Variants in RESF1 observed in about 807,000 individuals in gnomAD.
RESF1 encodes the protein gonad expressed transcript.
RESF1 carries 65 observed loss-of-function variants against 134.7 expected under a neutral mutation model. The observed-to-expected ratio is 0.48, with a 90% CI of 0.40 to 0.59. The LOEUF (loss-of-function observed/expected upper bound fraction) is 0.59, where lower values mean the gene tolerates loss of function less well. RESF1 is among the 20% of genes least tolerant of loss of function. The probability of loss-of-function intolerance (pLI) is 0.00; values close to 1 mark genes in which losing one functional copy is unlikely to be tolerated. For synonymous variants in RESF1, 762 were observed against 702.2 expected, an observed-to-expected ratio of 1.09 and a Z score of -1.35; for missense variants, 2,274 against 2,002.7, an observed-to-expected ratio of 1.14 and a Z score of -2.59.
chr12:31,984,236 G>A lies in RESF1; in HGVS notation c.3281G>A (p.Ser1094Asn). 6.2e-7 allele frequency: 1 copy of A among 1,614,038 alleles called. No homozygotes were observed. The highest frequency in any genetic ancestry group is 8.5e-7 in the Non-Finnish European group (1 of 1,179,994). ...TSEDQTADKT[S>N]SDSKDPADQI... ...GAAGATCAAACTGCTGATAAAACCA[G>A]TTCTGACTCCAAAGACCCAGCAGAT... The change falls in exon 4 of 6, where the codon AGT becomes AAT. Residue 1094 changes from serine to asparagine, a missense_variant. Physicochemically the swap from Ser to Asn is conservative, Grantham distance 46. Transcript: ENST00000312561.
In RESF1 at chr12:31,985,338, T is replaced by G. The variant is rs1939941658; in HGVS notation, c.4383T>G (p.Asn1461Lys). Residue 1461 changes from asparagine to lysine, a missense_variant, in exon 4 of 6, where the codon AAT (asparagine) becomes AAG (lysine). Coordinates refer to ENST00000312561, the MANE Select transcript of RESF1 (RefSeq NM_018169.4). ...AGAAGCATAAAGAAGCTCTGAGTAATAAAGCATCGAAGAAAATCTGTGTGA... is the reference window on the plus strand; with the variant it reads ...AGAAGCATAAAGAAGCTCTGAGTAAGAAAGCATCGAAGAAAATCTGTGTGA... ...QRQKHKEALS[N>K]KASKKICVKN... The G allele has an allele frequency of 6.2e-7, 1 of 1,611,130 alleles. No homozygotes were observed. The highest frequency in any genetic ancestry group is 1.3e-5 in the African/African-American group (1 of 74,836).
intron 1 of RESF1, 187 bp downstream of exon 1, chr12:31,959,678 C>T (rs1939207834): frequency 6.6e-6 from 1 of 151,008 alleles, no homozygotes; most frequent in African/African-American, 2.4e-5. Flanking sequence ...CGCCGGCTCG[C>T]GCGTCCCGCC....
chr12:31,985,989 A>G (rs772946558), intron 4 of RESF1, 32 bp downstream of exon 4: 9 of 1,424,014 alleles, frequency 6.3e-6, no homozygotes, highest in African/African-American at 2.9e-5. Context: ...GGTGTCTACA[A>G]TATTGTAAAG....
chr12:31,972,661 A>G (rs540574013), intron 3 of RESF1, among the ~76,000 whole-genome samples: 117 of 150,998 alleles, frequency 7.7e-4, no homozygotes, highest in Non-Finnish European at 1.0e-3. Context: ...CCCTAAACTG[A>G]TGAGATCTGA....
Position 31,981,022 on chromosome 12 carries a change from T to A in RESF1, c.67T>A (p.Phe23Ile). The A allele has an allele frequency of 6.2e-7, 1 of 1,614,046 alleles. No homozygotes were observed. Among genetic ancestry groups the A allele is most frequent in the Non-Finnish European group, 8.5e-7 (1 of 1,179,990 alleles). Reference sequence around the variant, plus strand: ...ACTGTATCCTAAAAGCCAGCCACCTTTTTTGCACCAGTCTTTAATAAACCA... The same window carrying A: ...ACTGTATCCTAAAAGCCAGCCACCTATTTTGCACCAGTCTTTAATAAACCA... ...PPLYPKSQPPFLHQSLINQIT... is the reference protein window; with the variant it reads ...PPLYPKSQPPILHQSLINQIT... The change falls in exon 4 of 6, where the codon TTT becomes ATT. Residue 23 changes from phenylalanine to isoleucine, a missense_variant. Transcript: ENST00000312561.
chr12:31,991,004 C>T (rs927922444), intron 5 of RESF1, among the ~76,000 whole-genome samples: 4 of 151,996 alleles, frequency 2.6e-5, no homozygotes, highest in African/African-American at 4.8e-5. Context: ...AGACCAGCTT[C>T]GGCAACATCA....
chr12:31,984,077 T>C lies in RESF1; in HGVS notation c.3122T>C (p.Ile1041Thr). ...CCCCAAGATCCTGCAAGAAATGAAA[T>C]CCACAGTGATAAGGCACCTGTCTTA... is the stretch of plus-strand genomic sequence containing the variant. ...YTPQDPARNEIHSDKAPVLYL... is the reference protein window; with the variant it reads ...YTPQDPARNETHSDKAPVLYL... The change falls in exon 4 of 6, where the codon ATC (isoleucine) becomes ACC (threonine). Residue 1041 changes from isoleucine to threonine, a missense_variant. Coordinates refer to ENST00000312561, the MANE Select transcript of RESF1 (RefSeq NM_018169.4). The C allele has an allele frequency of 6.2e-7, 1 of 1,614,020 alleles. No individual in the cohort carries two copies.
intron 4 of RESF1, among the ~76,000 whole-genome samples, chr12:31,986,243 G>A (rs1377178368): frequency 1.3e-5 from 2 of 152,218 alleles, no homozygotes; most frequent in Non-Finnish European, 2.9e-5. Flanking sequence ...AGGCTGTACT[G>A]TGAAAAACAT....
intron 2 of RESF1, among the ~76,000 whole-genome samples, chr12:31,965,402 G>A (rs1939377172): frequency 1.3e-5 from 2 of 152,108 alleles, no homozygotes; most frequent in Admixed American, 1.3e-4. Flanking sequence ...GTGAATCCAT[G>A]GTAAACCTCT....
At chr12:31,992,349 AAAGT>A (rs746190288) in intron 5 of RESF1, 25 bp from the exon 6 acceptor site, 15 of 1,557,764 alleles carry the variant, frequency 9.6e-6, no homozygotes, top group South Asian at 2.3e-5. Context: ...ATTGAGAAAT[AAAGT>A]AAGTAAAGTT....
At position 31,982,773 on chromosome 12, in the gene RESF1, T is replaced by A. The variant is rs1407459574; in HGVS notation, c.1818T>A (p.Ile606=). The A allele has an allele frequency of 6.2e-7, 1 of 1,613,994 alleles. No homozygotes were observed. Among genetic ancestry groups the A allele is most frequent in the South Asian group, 1.1e-5 (1 of 91,070 alleles). The change falls in exon 4 of 6, where the codon ATT becomes ATA. Residue 606 remains isoleucine (I), a synonymous_variant. Transcript: ENST00000312561. ...KTVLKDANQT[I]QDSKPDSCEM... ...TATTAAAAGATGCTAATCAAACTATTCAGGATTCTAAACCAGACAGTTGTG... is the reference window on the plus strand; with the variant it reads ...TATTAAAAGATGCTAATCAAACTATACAGGATTCTAAACCAGACAGTTGTG...
At position 31,981,890 on chromosome 12, in the gene RESF1, T is replaced by C. The variant is rs759940993; in HGVS notation, c.935T>C (p.Leu312Pro). The change falls in exon 4 of 6, where the codon CTG becomes CCG. Residue 312 changes from leucine (L) to proline (P), a missense_variant. By Grantham distance (98) the Leu-to-Pro change is moderately conservative (BLOSUM62 -3). Transcript: ENST00000312561. ...SMEVPQSREM[L>P]SSEIRTSFQQ... ...GAAGTTCCTCAGAGTCGAGAAATGCTGTCATCTGAAATAAGGACCAGCTTT... is the reference window on the plus strand; with the variant it reads ...GAAGTTCCTCAGAGTCGAGAAATGCCGTCATCTGAAATAAGGACCAGCTTT... 7.4e-6 allele frequency: 12 copies of C among 1,614,150 alleles called. No homozygotes were observed. The highest frequency in any genetic ancestry group is 1.0e-5 in the Non-Finnish European group (12 of 1,180,022).
intron 1 of RESF1, 61 bp downstream of exon 1, chr12:31,959,552 G>C (rs897353360): frequency 8.5e-5 from 13 of 152,336 alleles, no homozygotes; most frequent in African/African-American, 3.1e-4. Context: ...CGGGGCGGGG[G>C]CCGGGAGCCG....
chr12:31,985,013 T>C lies in RESF1; in HGVS notation c.4058T>C (p.Leu1353Ser). The change falls in exon 4 of 6, where the codon TTG becomes TCG. Residue 1353 changes from leucine to serine, a missense_variant. Coordinates refer to ENST00000312561, the MANE Select transcript of RESF1 (RefSeq NM_018169.4). ...NKDVYKKHSS[L>S]GQSLSPEKIK... is the part of the protein sequence containing the mutation. ...GATGTGTATAAGAAGCATAGTTCTTTGGGACAGTCATTATCACCAGAAAAG... is the reference window on the plus strand; with the variant it reads ...GATGTGTATAAGAAGCATAGTTCTTCGGGACAGTCATTATCACCAGAAAAG... 3.7e-6 allele frequency: 6 copies of C among 1,601,064 alleles called. No homozygotes were observed. The highest frequency in any genetic ancestry group is 5.1e-6 in the Non-Finnish European group (6 of 1,177,104).
chr12:31,990,272 T>C lies in RESF1; in HGVS notation c.5087-2106T>C, dbSNP rs1440924766. Among the ~76,000 whole-genome samples, 4 of 152,120 alleles carry C rather than the reference T, an allele frequency of 2.6e-5. No homozygotes were observed. The East Asian group carries it at 7.7e-4, about 29-fold the overall frequency. ...TGTGAGGCTGAAATACTCAGAATCA[T>C]GATGAAAGAAAAACACAAACCAGGT... On this transcript the variant is annotated intron_variant, in intron 5 of 5. Transcript: ENST00000312561.
Position 31,981,313 on chromosome 12 carries a change from T to C in RESF1, c.358T>C (p.Leu120=). Residue 120 remains leucine, a synonymous_variant, in exon 4 of 6, where the codon TTG becomes CTG. Transcript: ENST00000312561. ...TTCAGGAGTTACCCAAAACGTATGG[T>C]TGAACTCACCAATGAGGAATCCTGT... ...MSSGVTQNVW[L]NSPMRNPVHS... is the part of the protein sequence containing the mutation. 6.2e-7 allele frequency: 1 copy of C among 1,614,120 alleles called. No individual in the cohort carries two copies. The highest frequency in any genetic ancestry group is 2.2e-5 in the East Asian group (1 of 44,880).
At chr12:31,976,255 G>T (rs1311457130) in intron 3 of RESF1, among the ~76,000 whole-genome samples, 1 of 152,044 alleles carries the variant, frequency 6.6e-6, no homozygotes, top group Non-Finnish European at 1.5e-5. Context: ...ACTGACTCTT[G>T]TGCAGTAAAA....
At position 31,981,004 on chromosome 12, in the gene RESF1, C is replaced by T. The variant is rs1939769130; in HGVS notation, c.49C>T (p.Pro17Ser). Residue 17 changes from proline (P) to serine (S), a missense_variant, in exon 4 of 6, where the codon CCT (proline) becomes TCT (serine). Transcript: ENST00000312561. The stretch of plus-strand genomic sequence containing the variant: ...GAGTGCTACATTACCACCACTGTAT[C>T]CTAAAAGCCAGCCACCTTTTTTGCA... ...PKSATLPPLY[P>S]KSQPPFLHQS... 6 of 1,613,712 alleles carry T rather than the reference C, an allele frequency of 3.7e-6. No individual in the cohort carries two copies. The highest frequency in any genetic ancestry group is 1.6e-4 in the Middle Eastern group (1 of 6,062).
Position 31,981,612 on chromosome 12 carries a change from TTAC to T in RESF1, c.659_661del (p.Tyr220del). 1 of 1,614,160 alleles carries T rather than the reference TTAC, an allele frequency of 6.2e-7. No homozygotes were observed. Among genetic ancestry groups the T allele is most frequent in the South Asian group, 1.1e-5 (1 of 91,080 alleles). On this transcript the variant is annotated inframe_deletion, in exon 4 of 6. Coordinates refer to ENST00000312561, the MANE Select transcript of RESF1 (RefSeq NM_018169.4). Reference sequence around the variant, plus strand: ...ACAGACCACCTCCAAAGCTATACCGTTACTCACCACAAAGCTTTTTACCAGATT... The same window carrying T: ...ACAGACCACCTCCAAAGCTATACCGTTCACCACAAAGCTTTTTACCAGATT...
Sources: allele counts gnomAD v4.1 joint callset (sites outside exome capture counted in the v4.1 genomes callset), GRCh38; gene constraint gnomAD v4.1.1; transcripts MANE v1.5; gene names NCBI Gene and HGNC (gene_info 2026-07-23, HGNC 2026-07-21).